The following SOX5 variants were observed in gnomAD, a reference collection of about 807,000 sequenced individuals.
The protein encoded by SOX5 is SRY-box transcription factor 5, also known as transcription factor SOX-5.
In SOX5, 9 loss-of-function variants were observed where a neutral mutation model predicts 92.0. The observed-to-expected ratio is 0.10, with a 90% CI of 0.06 to 0.17. The LOEUF (loss-of-function observed/expected upper bound fraction) is 0.17, where lower values mean the gene tolerates loss of function less well. Among genes scored for constraint, SOX5 ranks in the 10% least tolerant of loss-of-function variants. The pLI is 1.00. For synonymous variants in SOX5, 344 were observed against 336.3 expected (o/e 1.02, Z -0.25); for missense variants, 642 against 944.5 (o/e 0.68, Z 4.20).
intron 4 of SOX5, among the ~76,000 whole-genome samples, chr12:24,052,837 A>C (rs1957693612): frequency 6.6e-6 from 1 of 152,218 alleles, no homozygotes; most frequent in Non-Finnish European, 1.5e-5. Context: ...TTCTTTCACT[A>C]ATTTGTAACC....
At chr12:23,647,918 C>A (rs751416789) in intron 7 of SOX5, among the ~76,000 whole-genome samples, 12 of 152,186 alleles carry the variant, frequency 7.9e-5, no homozygotes, top group Non-Finnish European at 1.6e-4. Context: ...ACTGGCATAG[C>A]ACTTTTAATT....
At chr12:24,210,017 C>CAAAAAAAA (rs1173723179) in intron 4 of SOX5, among the ~76,000 whole-genome samples, 3 of 62,694 alleles carry the variant, frequency 4.8e-5, no homozygotes, top group African/African-American at 1.3e-4. Context: ...GACTCCGTCT[C>CAAAAAAAA]AAAAAAAAAA....
chr12:24,527,907 T>A (rs1950852579), intron 1 of SOX5, among the ~76,000 whole-genome samples: 1 of 152,252 alleles, frequency 6.6e-6, no homozygotes, highest in Non-Finnish European at 1.5e-5. Flanking sequence ...TCAATTATTT[T>A]ATGAAGAGTG....
chr12:24,430,456 TAA>T, intron 1 of SOX5, among the ~76,000 whole-genome samples: 1 of 151,828 alleles, frequency 6.6e-6, no homozygotes, highest in South Asian at 2.1e-4. Flanking sequence ...GGTATATATA[TAA>T]TATATATAAA....
chr12:24,221,415 T>C (rs576884152), intron 3 of SOX5, among the ~76,000 whole-genome samples: 1 of 152,244 alleles, frequency 6.6e-6, no homozygotes, highest in Admixed American at 6.5e-5. Context: ...CAAATAAGAG[T>C]TTAATAAATA....
chr12:24,117,550 A>C (rs1194505875), intron 4 of SOX5, among the ~76,000 whole-genome samples: 1 of 152,212 alleles, frequency 6.6e-6, no homozygotes, highest in Non-Finnish European at 1.5e-5. Flanking sequence ...ACAGAAGCCA[A>C]CATATGAAAG....
intron 2 of SOX5, among the ~76,000 whole-genome samples, chr12:24,295,610 C>G (rs879466647): frequency 1.3e-5 from 2 of 152,212 alleles, no homozygotes; most frequent in Admixed American, 1.3e-4. Context: ...CTCAGCCACG[C>G]TAGAGTTCAG....
intron 6 of SOX5, among the ~76,000 whole-genome samples, chr12:23,686,637 A>T (rs1424538767): frequency 1.3e-5 from 2 of 152,180 alleles, no homozygotes; most frequent in Non-Finnish European, 2.9e-5. Flanking sequence ...AAAGCATATG[A>T]CATATCCTTT....
chr12:23,919,681 A>G (rs2097460668), intron 1 of SOX5, among the ~76,000 whole-genome samples: 1 of 152,182 alleles, frequency 6.6e-6, no homozygotes. Context: ...CAAGGATCAG[A>G]AGTGAAGTGA....
Position 24,477,597 on chromosome 12 carries a change from G to A in SOX5, c.-251+84732C>T, listed in dbSNP as rs1022231683. ...AGACACATTGAAAATATATTTCTCA[G>A]TACTGTAGAATAATGGCATTTTCAG... is the stretch of plus-strand genomic sequence containing the variant. On this transcript the variant is annotated intron_variant, in intron 1 of 4. Coordinates refer to the SOX5 transcript ENST00000446891. 3.9e-5 allele frequency among the ~76,000 whole-genome samples: 6 copies of A among 152,164 alleles called. No homozygotes were observed. In the East Asian group the frequency reaches 1.2e-3, roughly 29 times the overall value.
At chr12:23,647,953 T>C (rs1247335214) in intron 7 of SOX5, among the ~76,000 whole-genome samples, 1 of 152,264 alleles carries the variant, frequency 6.6e-6, no homozygotes, top group Non-Finnish European at 1.5e-5. Flanking sequence ...TTCCTTTGCA[T>C]TCGCAACTTG....
At chr12:24,439,517 G>A (rs1216520084) in intron 1 of SOX5, among the ~76,000 whole-genome samples, 6 of 152,178 alleles carry the variant, frequency 3.9e-5, no homozygotes, top group Non-Finnish European at 7.3e-5. Context: ...TCAAGTGGAA[G>A]TGAAATTTCC....
At chr12:24,076,569 C>T (rs1336369884) in intron 4 of SOX5, among the ~76,000 whole-genome samples, 1 of 152,102 alleles carries the variant, frequency 6.6e-6, no homozygotes, top group Non-Finnish European at 1.5e-5. Context: ...ATGTCACTTG[C>T]CCCTTGCAAA....
At chr12:24,267,451 G>A (rs139462006) in intron 3 of SOX5, among the ~76,000 whole-genome samples, 1 of 152,100 alleles carries the variant, frequency 6.6e-6, no homozygotes, top group African/African-American at 2.4e-5. Context: ...TATGAATTAG[G>A]GAATACTTTT....
intron 10 of SOX5, among the ~76,000 whole-genome samples, chr12:23,571,789 G>A (rs1464253073): frequency 6.6e-6 from 1 of 152,134 alleles, no homozygotes; most frequent in African/African-American, 2.4e-5. Flanking sequence ...TCCCTAGGTA[G>A]ACACACAGGC....
chr12:23,969,445 C>T (rs910000443), intron 4 of SOX5, among the ~76,000 whole-genome samples: 2 of 152,090 alleles, frequency 1.3e-5, no homozygotes, highest in Non-Finnish European at 2.9e-5. Flanking sequence ...AATCTAAAAC[C>T]TTTAGTATGG....
At chr12:23,771,921 G>A (rs1308050381) in intron 3 of SOX5, among the ~76,000 whole-genome samples, 1 of 152,150 alleles carries the variant, frequency 6.6e-6, no homozygotes, top group African/African-American at 2.4e-5. Flanking sequence ...AAACTCTGAA[G>A]TTTGGCAGTT....
At chr12:24,110,981 A>T (rs1228058852) in intron 4 of SOX5, among the ~76,000 whole-genome samples, 1 of 151,614 alleles carries the variant, frequency 6.6e-6, no homozygotes, top group Non-Finnish European at 1.5e-5. Context: ...TTTTACGCTA[A>T]GCCAGGATTT....
intron 3 of SOX5, among the ~76,000 whole-genome samples, chr12:24,233,532 C>T (rs1021570460): frequency 6.6e-6 from 1 of 152,178 alleles, no homozygotes; most frequent in African/African-American, 2.4e-5. Flanking sequence ...ATTTAAGTGG[C>T]AAGTCAGACT....
Sources: allele counts gnomAD v4.1 joint callset (sites outside exome capture counted in the v4.1 genomes callset), GRCh38; gene constraint gnomAD v4.1.1; transcripts MANE v1.5; gene names NCBI Gene and HGNC (gene_info 2026-07-23, HGNC 2026-07-21).